Variants in TMEM132E observed in about 807,000 individuals in gnomAD.
TMEM132E encodes transmembrane protein 132E.
Under a neutral mutation model 78.5 loss-of-function variants are expected in TMEM132E, and 49 were observed. That is an observed-to-expected ratio of 0.62 (90% confidence interval 0.50 to 0.79). The LOEUF (loss-of-function observed/expected upper bound fraction) is 0.79. TMEM132E is among the 30% of genes least tolerant of loss of function. The pLI is 0.00. For synonymous variants in TMEM132E, 715 were observed against 670.6 expected (o/e 1.07, Z -1.02); for missense variants, 1,403 against 1,470.9 (o/e 0.95, Z 0.75).
At chr17:34,628,505 A>G in intron 2 of TMEM132E, 58 bp from the exon 3 acceptor site, 1 of 1,600,384 alleles carries the variant, frequency 6.2e-7, no homozygotes, top group Non-Finnish European at 8.5e-7. Context: ...GTGGCCAGGC[A>G]GGCAGCTTTG....
chr17:34,636,533 G>A (rs1367469610), intron 8 of TMEM132E, among the ~76,000 whole-genome samples: 1 of 152,198 alleles, frequency 6.6e-6, no homozygotes, highest in Admixed American at 6.5e-5. Context: ...CATAGCCACA[G>A]GATGAAAGTG....
intron 1 of TMEM132E, among the ~76,000 whole-genome samples, chr17:34,613,211 A>ACACACACACGCGCGCGCGCGCG: frequency 6.0e-5 from 7 of 115,972 alleles, no homozygotes; most frequent in Admixed American, 9.9e-5. Context: ...ACACACACAC[A>ACACACACACGCGCGCGCGCGCG]CGCGCGCGCG....
chr17:34,600,914 C>T (rs1320575318), intron 1 of TMEM132E, among the ~76,000 whole-genome samples: 1 of 152,202 alleles, frequency 6.6e-6, no homozygotes, highest in Non-Finnish European at 1.5e-5. Flanking sequence ...CAGCCTCAAG[C>T]CCCTAGGCCC....
At position 34,637,234 on chromosome 17, in the gene TMEM132E, C is replaced by T; in HGVS notation, c.2227C>T (p.Leu743Phe). Residue 743 changes from leucine to phenylalanine, a missense_variant, in exon 9 of 9, where the codon CTC becomes TTC. This residue lies in a region of TMEM132E where 888 missense variants were observed against 952.8 expected (regional missense o/e 0.93). Transcript: ENST00000631683. ...TGATGGCACCACAGCCCCACTCTCC[C>T]TCTACAGCCCACGAGACTATGGACT... ...YSDGTTAPLS[L>F]YSPRDYGLLV... 6.2e-7 allele frequency: 1 copy of T among 1,613,662 alleles called. No homozygotes were observed. Among genetic ancestry groups the T allele is most frequent in the Non-Finnish European group, 8.5e-7 (1 of 1,179,716 alleles).
chr17:34,626,688 C>G lies in TMEM132E; in HGVS notation c.629C>G (p.Thr210Arg). The G allele has an allele frequency of 7.2e-7, 1 of 1,394,766 alleles. No individual in the cohort carries two copies. 86.4% of individuals were successfully genotyped at this position (1,394,766 alleles called of 1,614,324 possible). A position where few individuals can be genotyped will look rare whatever the true frequency, so the allele number is the denominator to read the frequency against. Residue 210 changes from threonine (T) to arginine (R), a missense_variant, in exon 2 of 9, where the codon ACG (threonine) becomes AGG (arginine). Transcript: ENST00000631683. The stretch of plus-strand genomic sequence containing the variant: ...CCCCCAGCCCCCGCTGCGCCACCCA[C>G]GGCCCGCCGCAAGTCCCCGGACGGG... ...FGPPAPAAPP[T>R]ARRKSPDGLE...
chr17:34,602,288 C>A (rs1906268300), intron 1 of TMEM132E, among the ~76,000 whole-genome samples: 1 of 152,204 alleles, frequency 6.6e-6, no homozygotes, highest in South Asian at 2.1e-4. Context: ...TGGCCCAGCC[C>A]GCAAGAGATT....
chr17:34,586,410 A>T (rs531266203), intron 1 of TMEM132E, among the ~76,000 whole-genome samples: 1 of 152,268 alleles, frequency 6.6e-6, no homozygotes, highest in South Asian at 2.1e-4. Context: ...ATACTCCAGC[A>T]GTCCCCAAGG....
chr17:34,599,241 A>G (rs534615706), intron 1 of TMEM132E, among the ~76,000 whole-genome samples: 6 of 152,344 alleles, frequency 3.9e-5, no homozygotes, highest in Non-Finnish European at 7.4e-5. Context: ...GAATCAGAGC[A>G]TGGAAGATGA....
rs959335448 is a variant in TMEM132E at position 34,625,082 on chromosome 17, G to T, written c.68-1045G>T. Among the ~76,000 whole-genome samples the T allele has an allele frequency of 2.0e-5, 3 of 152,228 alleles. No homozygotes were observed. In the East Asian group the frequency reaches 5.8e-4, roughly 29 times the overall value. On this transcript the variant is annotated intron_variant, in intron 1 of 8. Transcript: ENST00000631683. ...GCAACAATGTCTGATTTGTGTCCAG[G>T]AGAAAAAAATACTCTGGCTACTGTG... is the stretch of plus-strand genomic sequence containing the variant.
At chr17:34,635,742 G>T in intron 7 of TMEM132E, 1 of 362,092 alleles carries the variant, frequency 2.8e-6, no homozygotes, top group Admixed American at 4.7e-5. Flanking sequence ...GTCACCATGC[G>T]GGGGTTGTTG....
chr17:34,586,209 T>A (rs1353495476), intron 1 of TMEM132E, among the ~76,000 whole-genome samples: 2 of 152,112 alleles, frequency 1.3e-5, no homozygotes, highest in African/African-American at 4.8e-5. Context: ...CCCCGTTTCC[T>A]CCCCAGGGTC....
chr17:34,637,213 G>A lies in TMEM132E; in HGVS notation c.2206G>A (p.Gly736Ser). ...LLSLWLSYSD[G>S]TTAPLSLYSP... Reference sequence around the variant, plus strand: ...GAGCCTCTGGCTCTCCTACAGTGATGGCACCACAGCCCCACTCTCCCTCTA... The same window carrying A: ...GAGCCTCTGGCTCTCCTACAGTGATAGCACCACAGCCCCACTCTCCCTCTA... The change falls in exon 9 of 9, where the codon GGC (glycine) becomes AGC (serine). Residue 736 changes from glycine to serine, a missense_variant. Physicochemically the swap from Gly to Ser is moderately conservative, Grantham distance 56. Coordinates refer to ENST00000631683, the MANE Select transcript of TMEM132E (RefSeq NM_001304438.2). 6.2e-7 allele frequency: 1 copy of A among 1,610,884 alleles called. No individual in the cohort carries two copies.
At chr17:34,630,279 C>T (rs988194322) in intron 5 of TMEM132E, 128 bp downstream of exon 5, 14 of 971,732 alleles carry the variant, frequency 1.4e-5, no homozygotes, top group African/African-American at 3.3e-5. Context: ...CCTCCCTGTG[C>T]TGGGACCCCT....
Position 34,636,955 on chromosome 17 carries a change from C to T in TMEM132E, c.2170-222C>T, listed in dbSNP as rs546332704. 3.3e-5 allele frequency among the ~76,000 whole-genome samples: 5 copies of T among 152,254 alleles called. 1 individual carries two copies. The South Asian group carries it at 1.0e-3, about 32-fold the overall frequency. On this transcript the variant is annotated intron_variant, in intron 8 of 8. Transcript: ENST00000631683. ...CTCAGAGCAGTATGAGGCCTGGATG[C>T]CATGGTCTGGGATTTACCCTCCCCA... is the stretch of plus-strand genomic sequence containing the variant.
intron 1 of TMEM132E, among the ~76,000 whole-genome samples, chr17:34,610,748 G>A (rs559662022): frequency 4.2e-4 from 64 of 152,314 alleles, no homozygotes; most frequent in African/African-American, 1.5e-3. Flanking sequence ...AACAGGGAGC[G>A]GGAGCATACT....
chr17:34,620,395 G>A (rs952784627), intron 1 of TMEM132E, among the ~76,000 whole-genome samples: 4 of 152,234 alleles, frequency 2.6e-5, no homozygotes, highest in African/African-American at 9.6e-5. Flanking sequence ...GGTTAGGGAG[G>A]GCAGTGTTCA....
chr17:34,596,355 A>G (rs1364708898), intron 1 of TMEM132E, among the ~76,000 whole-genome samples: 1 of 152,196 alleles, frequency 6.6e-6, no homozygotes, highest in Non-Finnish European at 1.5e-5. Flanking sequence ...GGCTTAGAGT[A>G]TGGAAGGGAC....
At chr17:34,628,951 A>G (rs1016403810) in intron 3 of TMEM132E, 61 bp from the exon 4 acceptor site, 1 of 1,500,782 alleles carries the variant, frequency 6.7e-7, no homozygotes, top group Non-Finnish European at 8.9e-7. Flanking sequence ...AGAGTTTCTG[A>G]GCTCCTGGGC....
At chr17:34,590,816 T>C (rs1198968009) in intron 1 of TMEM132E, among the ~76,000 whole-genome samples, 1 of 152,050 alleles carries the variant, frequency 6.6e-6, no homozygotes, top group Non-Finnish European at 1.5e-5. Context: ...GGGAGTGACA[T>C]CATCAAAGCA....
Sources: allele counts gnomAD v4.1 joint callset (sites outside exome capture counted in the v4.1 genomes callset), GRCh38; gene constraint gnomAD v4.1.1; regional missense constraint gnomAD v4.1.1; transcripts MANE v1.5; gene names NCBI Gene and HGNC (gene_info 2026-07-23, HGNC 2026-07-21).